CHERP: variants seen among roughly 807,000 people sequenced by gnomAD.
The protein encoded by CHERP is calcium homeostasis endoplasmic reticulum protein.
Under a neutral mutation model 113.8 loss-of-function variants are expected in CHERP, and 8 were observed. That is an observed-to-expected ratio of 0.07 (90% CI 0.04 to 0.13). CHERP has a LOEUF of 0.13. Ranked by LOEUF, CHERP falls within the 10% of genes least tolerant of loss-of-function variation. The probability of loss-of-function intolerance (pLI) is 1.00; values close to 1 mark genes in which losing one functional copy is unlikely to be tolerated. For synonymous variants in CHERP, 559 were observed against 524.5 expected (o/e 1.07, Z -0.90); for missense variants, 884 against 1,298.2 (o/e 0.68, Z 4.90).
chr19:16,525,573 G>A lies in CHERP; in HGVS notation c.1410C>T (p.Pro470=), dbSNP rs771976544. ...GCGCGTCGCGCTGGCCGTTCCAGCCGGGGTCACCGCGCTGCTCGCCCCACA... is the reference window on the plus strand; with the variant it reads ...GCGCGTCGCGCTGGCCGTTCCAGCCAGGGTCACCGCGCTGCTCGCCCCACA... ...EGMWGEQRGD[P]GWNGQRDAPW... Residue 470 remains proline, a synonymous_variant, in exon 10 of 17, where the codon CCC becomes CCT. Coordinates refer to ENST00000546361, the MANE Select transcript of CHERP (RefSeq NM_006387.6). This position sits in a 1 kb window ranked among gnomAD's most constrained non-coding sequence, Gnocchi z 6.5. 107 of 1,539,964 alleles carry A rather than the reference G, an allele frequency of 6.9e-5. No homozygotes were observed. Among genetic ancestry groups the A allele is most frequent in the Middle Eastern group, 6.7e-4 (4 of 5,954 alleles).
chr19:16,534,112 G>A (rs2085726206), intron 3 of CHERP, among the ~76,000 whole-genome samples: 1 of 149,996 alleles, frequency 6.7e-6, no homozygotes, highest in Non-Finnish European at 1.5e-5. Flanking sequence ...GAAGTGCAAT[G>A]GCATAATCTC....
At position 16,542,197 on chromosome 19, in the gene CHERP, G is replaced by A. The variant is rs957053319; in HGVS notation, c.26-154C>T. The A allele has an allele frequency of 2.2e-4, 232 of 1,074,330 alleles. No homozygotes were observed. The Middle Eastern group carries it at 3.0e-3, about 14-fold the overall frequency. 66.5% of individuals were successfully genotyped at this position (1,074,330 alleles called of 1,614,324 possible). On this transcript the variant is annotated intron_variant, in intron 1 of 16. Transcript: ENST00000546361. The stretch of plus-strand genomic sequence containing the variant: ...GTACGGGTCCCGATAGGGGCCACAC[G>A]CTCGCCGGGAATGCGGGGACCCACG...
Position 16,523,276 on chromosome 19 carries a change from G to A in CHERP, c.1756C>T (p.His586Tyr). The change falls in exon 11 of 17, where the codon CAC (histidine) becomes TAC (tyrosine). Residue 586 changes from histidine to tyrosine, a missense_variant. By Grantham distance (83) the His-to-Tyr change is moderately conservative (BLOSUM62 2). Coordinates refer to ENST00000546361, the MANE Select transcript of CHERP (RefSeq NM_006387.6). This position sits in a 1 kb window ranked among gnomAD's most constrained non-coding sequence, Gnocchi z 4.0. ...GDFPAEMGPP[H>Y]HHPGHRMPHP... ...GGCATGCGGTGGCCAGGGTGGTGGT[G>A]AGGGGGCCCCATTTCTGCAAAACAG... 6.2e-7 allele frequency: 1 copy of A among 1,602,482 alleles called. No homozygotes were observed. Among genetic ancestry groups the A allele is most frequent in the Non-Finnish European group, 8.5e-7 (1 of 1,175,240 alleles).
rs1274772813 is a variant in CHERP, at chr19:16,523,191, G to A, written c.1841C>T (p.Pro614Leu). The change falls in exon 11 of 17, where the codon CCT becomes CTT. Residue 614 changes from proline to leucine, a missense_variant. Pro to Leu is a moderately conservative substitution (Grantham distance 98, BLOSUM62 -3). Coordinates refer to ENST00000546361, the MANE Select transcript of CHERP (RefSeq NM_006387.6). The surrounding 1 kb of genome is among the most constrained non-coding windows in gnomAD (Gnocchi z 4.0). ...WAGPQHPDFG[P>L]PPHGFNGQPP... is the part of the protein sequence containing the mutation. Reference sequence around the variant, plus strand: ...CTGCCCGTTGAAGCCATGGGGGGGAGGGCCGAAGTCAGGGTGCTGGGGTCC... The same window carrying A: ...CTGCCCGTTGAAGCCATGGGGGGGAAGGCCGAAGTCAGGGTGCTGGGGTCC... 6.3e-7 allele frequency: 1 copy of A among 1,576,696 alleles called. No individual in the cohort carries two copies. The highest frequency in any genetic ancestry group is 8.6e-7 in the Non-Finnish European group (1 of 1,164,658).
Position 16,520,333 on chromosome 19 carries a change from C to T in CHERP, c.2345+31G>A. On this transcript the variant is annotated intron_variant, in intron 14 of 16. Transcript: ENST00000546361. This position sits in a 1 kb window ranked among gnomAD's most constrained non-coding sequence, Gnocchi z 4.0. ...GTGGGGAGGCCACAGGAAGAGGCCT[C>T]AGGCACTGCCCTGAGGCAGCCTCTG... is the stretch of plus-strand genomic sequence containing the variant. 6.2e-7 allele frequency: 1 copy of T among 1,611,670 alleles called. No individual in the cohort carries two copies. The highest frequency in any genetic ancestry group is 8.5e-7 in the Non-Finnish European group (1 of 1,178,440).
chr19:16,522,033 C>G (rs1421418295), intron 11 of CHERP, among the ~76,000 whole-genome samples: 3 of 152,254 alleles, frequency 2.0e-5, no homozygotes, highest in African/African-American at 7.2e-5. Flanking sequence ...ACAGCCTCAG[C>G]CCCGGCCCTG....
rs574024363 is a variant in CHERP, at chr19:16,540,310, G to A, written c.199+1560C>T. Among the ~76,000 whole-genome samples, 524 of 151,786 alleles carry A rather than the reference G, an allele frequency of 3.5e-3. 1 individual carries two copies. The highest frequency in any genetic ancestry group is 6.1e-3 in the Non-Finnish European group (414 of 67,952). On this transcript the variant is annotated intron_variant, in intron 2 of 16. Transcript: ENST00000546361. ...TCGAACTCCTGACCTCAAGTGATCC[G>A]CCTGACTCAGCCTCCTAAAGTGCTG...
rs2085653342 is a variant in CHERP at position 16,525,691 on chromosome 19, GA to G, written c.1306-15del. ...CTGCTCTGGCGGCTGCAAGGGAAGG[GA>G]CAGGCTTGAGCCCTGCGTGGTCTAG... On this transcript the variant is annotated splice_polypyrimidine_tract_variant and intron_variant, in intron 9 of 16. Transcript: ENST00000546361. This position sits in a 1 kb window ranked among gnomAD's most constrained non-coding sequence, Gnocchi z 6.5. The G allele has an allele frequency of 1.3e-6, 2 of 1,497,800 alleles. No homozygotes were observed. The allele number at this position is 1,497,800 out of a possible 1,614,324, so 92.8% of individuals were successfully genotyped here. A position where few individuals can be genotyped will look rare whatever the true frequency, so the allele number is the denominator to read the frequency against.
Position 16,532,364 on chromosome 19 carries a change from T to G in CHERP, c.674+234A>C. On this transcript the variant is annotated intron_variant, in intron 5 of 16. Coordinates refer to ENST00000546361, the MANE Select transcript of CHERP (RefSeq NM_006387.6). This position sits in a 1 kb window ranked among gnomAD's most constrained non-coding sequence, Gnocchi z 4.4. ...AGCAATGTGACAGGTGAGGCCGGGG[T>G]CTAGGGGAGAGGACAGGGCATGCAG... 5.9e-6 allele frequency: 3 copies of G among 508,916 alleles called. No homozygotes were observed. Among genetic ancestry groups the G allele is most frequent in the South Asian group, 2.9e-5 (1 of 34,580 alleles). The allele number at this position is 508,916 out of a possible 1,614,324, so 31.5% of individuals were successfully genotyped here. A position where few individuals can be genotyped will look rare whatever the true frequency, so the allele number is the denominator to read the frequency against.
Position 16,542,069 on chromosome 19 carries a change from G to C in CHERP, c.26-26C>G, listed in dbSNP as rs765751932. The C allele has an allele frequency of 8.8e-6, 14 of 1,595,368 alleles. No homozygotes were observed. In the African/African-American group the frequency reaches 1.8e-4, roughly 20 times the overall value. On this transcript the variant is annotated intron_variant, in intron 1 of 16. Coordinates refer to ENST00000546361, the MANE Select transcript of CHERP (RefSeq NM_006387.6). Reference sequence around the variant, plus strand: ...CTGGAGGACGGAGAAAAGGCCACGCGGGGCGTCAGCGAGGACCGCCCAAAG... The same window carrying C: ...CTGGAGGACGGAGAAAAGGCCACGCCGGGCGTCAGCGAGGACCGCCCAAAG...
At chr19:16,527,900 T>C (rs2085667229) in intron 9 of CHERP, among the ~76,000 whole-genome samples, 180 bp downstream of exon 9, 1 of 152,200 alleles carries the variant, frequency 6.6e-6, no homozygotes, top group African/African-American at 2.4e-5. Flanking sequence ...GACCTGTCAC[T>C]TGACCTGTCC....
chr19:16,527,967 A>C, intron 9 of CHERP, 113 bp downstream of exon 9: 4 of 1,028,350 alleles, frequency 3.9e-6, no homozygotes, highest in Non-Finnish European at 5.8e-6. Flanking sequence ...GCCACAGAAT[A>C]TCCCTCATTG....
intron 2 of CHERP, among the ~76,000 whole-genome samples, chr19:16,536,142 C>T (rs910624932): frequency 3.3e-5 from 5 of 152,246 alleles, no homozygotes; most frequent in African/African-American, 1.2e-4. Context: ...CCCGAGCGCA[C>T]ACTGCGGCCT....
Position 16,533,032 on chromosome 19 carries a change from C to T in CHERP, c.501G>A (p.Thr167=), listed in dbSNP as rs376326771. The T allele has an allele frequency of 1.6e-4, 249 of 1,568,504 alleles. No homozygotes were observed. The highest frequency in any genetic ancestry group is 3.8e-4 in the African/African-American group (28 of 74,024). The change falls in exon 4 of 17, where the codon ACG becomes ACA. Residue 167 remains threonine, a synonymous_variant. Coordinates refer to ENST00000546361, the MANE Select transcript of CHERP (RefSeq NM_006387.6). ...FDNLLQPIID[T]CTKDAISAGK... is the part of the protein sequence containing the mutation. ...TCACCGAGATGGCGTCCTTGGTGCACGTGTCGATGATGGGCTGCAGGAGGT... is the reference window on the plus strand; with the variant it reads ...TCACCGAGATGGCGTCCTTGGTGCATGTGTCGATGATGGGCTGCAGGAGGT...
rs1400942477 is a variant in CHERP at position 16,535,962 on chromosome 19, C to A, written c.200-326G>T. ...GCAAGCTAAGCTTGCCTGCCCACCT[C>A]CTCACCCACCTAGGCCCCACCTGAT... is the stretch of plus-strand genomic sequence containing the variant. On this transcript the variant is annotated intron_variant, in intron 2 of 16. Coordinates refer to ENST00000546361, the MANE Select transcript of CHERP (RefSeq NM_006387.6). This position sits in a 1 kb window ranked among gnomAD's most constrained non-coding sequence, Gnocchi z 4.3. Among the ~76,000 whole-genome samples the A allele has an allele frequency of 6.6e-6, 1 of 152,334 alleles. No homozygotes were observed. The highest frequency in any genetic ancestry group is 1.9e-4 in the East Asian group (1 of 5,184).
intron 3 of CHERP, among the ~76,000 whole-genome samples, chr19:16,534,668 G>A (rs1216331155): frequency 2.0e-5 from 3 of 152,010 alleles, no homozygotes; most frequent in Admixed American, 2.0e-4. Context: ...TAGAGACAGG[G>A]TTTCATCATG....
chr19:16,530,694 G>A lies in CHERP; in HGVS notation c.787-20C>T. ...CAGGAGCTGGCGGTGGGAGGAGAGA[G>A]AGGCCGGGTCAGTGGGGAGGGGAAA... On this transcript the variant is annotated intron_variant, in intron 6 of 16. Coordinates refer to ENST00000546361, the MANE Select transcript of CHERP (RefSeq NM_006387.6). This position sits in a 1 kb window ranked among gnomAD's most constrained non-coding sequence, Gnocchi z 4.1. 1 of 1,614,036 alleles carries A rather than the reference G, an allele frequency of 6.2e-7. No homozygotes were observed. The highest frequency in any genetic ancestry group is 8.5e-7 in the Non-Finnish European group (1 of 1,179,918).
At position 16,532,781 on chromosome 19, in the gene CHERP, G is replaced by C. The variant is rs757117370; in HGVS notation, c.523-32C>G. On this transcript the variant is annotated intron_variant, in intron 4 of 16. Transcript: ENST00000546361. The surrounding 1 kb of genome is among the most constrained non-coding windows in gnomAD (Gnocchi z 4.4). ...CAACCGAGCCAATGACGAGTGAGCA[G>C]GGCCGCGGCTCCCCCAGGCACCCAC... is the stretch of plus-strand genomic sequence containing the variant. 1.1e-5 allele frequency: 17 copies of C among 1,586,838 alleles called. No homozygotes were observed. The highest frequency in any genetic ancestry group is 1.3e-5 in the Non-Finnish European group (15 of 1,162,042).
intron 8 of CHERP, 59 bp downstream of exon 8, chr19:16,529,589 G>A (rs140872363): frequency 1.1e-5 from 17 of 1,513,416 alleles, no homozygotes; most frequent in East Asian, 2.5e-5. Flanking sequence ...GACTACACTC[G>A]GTGCCCAGCC....
Sources: allele counts gnomAD v4.1 joint callset (sites outside exome capture counted in the v4.1 genomes callset), GRCh38; gene constraint gnomAD v4.1.1; non-coding constraint Gnocchi (gnomAD v3.1); transcripts MANE v1.5; gene names NCBI Gene and HGNC (gene_info 2026-07-23, HGNC 2026-07-21).